NALCN: variants seen among roughly 807,000 people sequenced by gnomAD.
NALCN encodes the protein sodium leak channel NALCN.
In NALCN, 111 loss-of-function variants were observed where a neutral mutation model predicts 225.3. The ratio of observed to expected loss-of-function variants is 0.49; its 90% CI spans 0.42 to 0.58. NALCN has a LOEUF of 0.58. Among genes scored for constraint, NALCN ranks in the 20% least tolerant of loss-of-function variants. NALCN has a pLI of 0.00. For synonymous variants in NALCN, 764 were observed against 769.0 expected (o/e 0.99, Z 0.11); for missense variants, 1,378 against 2,202.4 (o/e 0.63, Z 7.49).
At chr13:101,110,260 G>C (rs1247807132) in intron 20 of NALCN, among the ~76,000 whole-genome samples, 1 of 152,196 alleles carries the variant, frequency 6.6e-6, no homozygotes, top group African/African-American at 2.4e-5. Context: ...CCTTGATCTA[G>C]ATTCTAGAAT....
At chr13:101,211,122 C>T (rs2040506916) in intron 13 of NALCN, among the ~76,000 whole-genome samples, 1 of 152,096 alleles carries the variant, frequency 6.6e-6, no homozygotes, top group African/African-American at 2.4e-5. Flanking sequence ...TCACTGAAAA[C>T]ATACTTGAGG....
intron 7 of NALCN, among the ~76,000 whole-genome samples, chr13:101,334,487 A>AGAGAGGCATT (rs1397517087): frequency 1.1e-4 from 16 of 151,776 alleles, no homozygotes; most frequent in Admixed American, 2.0e-4. Flanking sequence ...AAGAGAATGG[A>AGAGAGGCATT]CTGCCAGTGT....
At chr13:101,300,869 T>G (rs2043941115) in intron 7 of NALCN, among the ~76,000 whole-genome samples, 1 of 152,250 alleles carries the variant, frequency 6.6e-6, no homozygotes, top group African/African-American at 2.4e-5. Context: ...AAAATATTTA[T>G]AAACTTTATG....
chr13:101,164,484 T>A (rs1387771172), intron 15 of NALCN, among the ~76,000 whole-genome samples: 1 of 152,154 alleles, frequency 6.6e-6, no homozygotes, highest in Non-Finnish European at 1.5e-5. Context: ...GAGATGAGGG[T>A]CTCACTATAT....
At position 101,055,208 on chromosome 13, in the gene NALCN, A is replaced by C. The variant is rs1027159437; in HGVS notation, c.*87T>G. 18 of 1,035,542 alleles carry C rather than the reference A, an allele frequency of 1.7e-5. No individual in the cohort carries two copies. The highest frequency in any genetic ancestry group is 2.4e-5 in the East Asian group (1 of 41,522). 64.1% of individuals were successfully genotyped at this position (1,035,542 alleles called of 1,614,324 possible). ...GTGACAAGCTGGAATTCAGTTATAGATCAATTACAGATTGCTCACTGGACA... is the reference window on the plus strand; with the variant it reads ...GTGACAAGCTGGAATTCAGTTATAGCTCAATTACAGATTGCTCACTGGACA... On this transcript the variant is annotated 3_prime_UTR_variant, in exon 44 of 44. Coordinates refer to ENST00000251127, the MANE Select transcript of NALCN (RefSeq NM_052867.4).
chr13:101,380,857 A>AACAC (rs58640505), intron 3 of NALCN, among the ~76,000 whole-genome samples: 23,059 of 145,486 alleles, frequency 0.16, 1,827 homozygotes, highest in Non-Finnish European at 0.18. Context: ...ATGCCTAGCT[A>AACAC]ACACACACAC....
chr13:101,114,157 A>G (rs897924218), intron 18 of NALCN, among the ~76,000 whole-genome samples: 5 of 152,182 alleles, frequency 3.3e-5, no homozygotes, highest in African/African-American at 1.2e-4. Context: ...TTAAAAGCAC[A>G]CACTTCTGAC....
At chr13:101,288,459 C>G (rs944128606) in intron 9 of NALCN, among the ~76,000 whole-genome samples, 1 of 152,084 alleles carries the variant, frequency 6.6e-6, no homozygotes, top group African/African-American at 2.4e-5. Flanking sequence ...CTTTTTAACC[C>G]AGCACTGAAC....
chr13:101,409,999 TAAG>T (rs941934042), intron 1 of NALCN, among the ~76,000 whole-genome samples: 3 of 152,162 alleles, frequency 2.0e-5, no homozygotes, highest in African/African-American at 4.8e-5. Context: ...AGCGAATCTA[TAAG>T]AAGAACGGAG....
At chr13:101,117,247 C>G (rs746003680) in intron 18 of NALCN, among the ~76,000 whole-genome samples, 3 of 152,174 alleles carry the variant, frequency 2.0e-5, no homozygotes, top group Non-Finnish European at 4.4e-5. Flanking sequence ...CGCACTTATA[C>G]CCATACTATA....
chr13:101,135,037 A>G (rs539989566), intron 17 of NALCN, among the ~76,000 whole-genome samples: 111 of 152,186 alleles, frequency 7.3e-4, no homozygotes, highest in African/African-American at 2.5e-3. Flanking sequence ...TACTAAAAAT[A>G]CAAAAAAATT....
At chr13:101,139,499 T>C (rs2036962770) in intron 17 of NALCN, among the ~76,000 whole-genome samples, 1 of 152,222 alleles carries the variant, frequency 6.6e-6, no homozygotes, top group Non-Finnish European at 1.5e-5. Context: ...CCTTTGTTCA[T>C]GTTATGAGAA....
At position 101,089,987 on chromosome 13, in the gene NALCN, T is replaced by C. The variant is rs758517477; in HGVS notation, c.3270-21A>G. On this transcript the variant is annotated intron_variant, in intron 28 of 43. Transcript: ENST00000251127. This position sits in a 1 kb window ranked among gnomAD's most constrained non-coding sequence, Gnocchi z 4.7. ...TCGCCCTGCGATTCCAATACAGGAA[T>C]GTTCTGTGAAATTCCAATAAGCAGC... The C allele has an allele frequency of 9.9e-6, 16 of 1,613,334 alleles. No homozygotes were observed. In the East Asian group the frequency reaches 3.3e-4, roughly 34 times the overall value.
intron 25 of NALCN, among the ~76,000 whole-genome samples, chr13:101,103,815 C>T (rs569368578): frequency 7.9e-5 from 12 of 152,208 alleles, no homozygotes; most frequent in South Asian, 2.1e-4. Context: ...GGTTTTCCAG[C>T]GAGTTTTACT....
At chr13:101,177,409 GTATATATA>G (rs10624930) in intron 14 of NALCN, among the ~76,000 whole-genome samples, 4 of 124,374 alleles carry the variant, frequency 3.2e-5, no homozygotes, top group East Asian at 2.1e-4. Flanking sequence ...GTAAATACGA[GTATATATA>G]TATATATATA....
Position 101,074,602 on chromosome 13 carries a change from T to C in NALCN, c.4015A>G (p.Ile1339Val). 6.2e-7 allele frequency: 1 copy of C among 1,613,728 alleles called. No homozygotes were observed. Among genetic ancestry groups the C allele is most frequent in the Non-Finnish European group, 8.5e-7 (1 of 1,179,980 alleles). Reference protein sequence around the residue: ...VVSMYKSFFIIVGMFLLLLCY... With the variant: ...VVSMYKSFFIVVGMFLLLLCY... The stretch of plus-strand genomic sequence containing the variant: ...AGCAGCAAGAGAAACATGCCTACTA[T>C]GATAAAGAAGCTCTTGTACATGCTG... Residue 1339 changes from isoleucine to valine, a missense_variant, in exon 36 of 44, where the codon ATA becomes GTA. Coordinates refer to ENST00000251127, the MANE Select transcript of NALCN (RefSeq NM_052867.4).
intron 14 of NALCN, among the ~76,000 whole-genome samples, chr13:101,176,940 C>A (rs1360094364): frequency 6.6e-6 from 1 of 152,204 alleles, no homozygotes; most frequent in Non-Finnish European, 1.5e-5. Flanking sequence ...TGGCCTGTGT[C>A]ATCAGCAGGT....
intron 7 of NALCN, among the ~76,000 whole-genome samples, chr13:101,319,307 T>C (rs2044664029): frequency 1.3e-5 from 2 of 152,172 alleles, no homozygotes; most frequent in South Asian, 2.1e-4. Context: ...CTCCCACCTA[T>C]TGTTCTTGGC....
chr13:101,302,660 C>T (rs534997798), intron 7 of NALCN, among the ~76,000 whole-genome samples: 1 of 152,196 alleles, frequency 6.6e-6, no homozygotes, highest in South Asian at 2.1e-4. Flanking sequence ...GTTCTAATAT[C>T]ATTTGTAATA....
Sources: allele counts gnomAD v4.1 joint callset (sites outside exome capture counted in the v4.1 genomes callset), GRCh38; gene constraint gnomAD v4.1.1; non-coding constraint Gnocchi (gnomAD v3.1); transcripts MANE v1.5; gene names NCBI Gene and HGNC (gene_info 2026-07-23, HGNC 2026-07-21).